The following CDCA3 variants were observed in gnomAD, a reference collection of about 807,000 sequenced individuals.
CDCA3 encodes the protein cell division cycle associated 3.
Under a neutral mutation model 29.1 loss-of-function variants are expected in CDCA3, and 16 were observed. The ratio of observed to expected loss-of-function variants is 0.55; its 90% confidence interval spans 0.37 to 0.83. The LOEUF (loss-of-function observed/expected upper bound fraction) is 0.83, where lower values mean the gene tolerates loss of function less well. CDCA3 is among the 40% of genes least tolerant of loss of function. CDCA3 has a pLI of 0.00. For missense variants in CDCA3, 291 were observed against 327.2 expected (o/e 0.89, Z 0.85); for synonymous variants, 88 against 124.5 (o/e 0.71, Z 1.95).
At chr12:6,845,895 G>A (rs782401589), downstream of CDCA3, 38 of 865,036 alleles carry the variant, frequency 4.4e-5, no homozygotes, top group African/African-American at 5.0e-4. Context: ...CTCCCATTTC[G>A]GACTCTCTTA....
Position 6,849,544 on chromosome 12 carries a change from A to C in CDCA3, c.544+21T>G, listed in dbSNP as rs782039538. 7 of 1,594,078 alleles carry C rather than the reference A, an allele frequency of 4.4e-6. No individual in the cohort carries two copies. Among genetic ancestry groups the C allele is most frequent in the Non-Finnish European group, 5.1e-6 (6 of 1,167,922 alleles). ...CATTATCCTAGTTTATCTTCCCTGC[A>C]TCTTGCCTTAGATTCTGTACCTGAA... On this transcript the variant is annotated intron_variant, in intron 4 of 5. Coordinates refer to ENST00000538862, the MANE Select transcript of CDCA3 (RefSeq NM_031299.7). The surrounding 1 kb of genome is among the most constrained non-coding windows in gnomAD (Gnocchi z 5.2).
rs1468130676 is a variant in CDCA3, at chr12:6,848,838, A to C, written c.*205T>G. On this transcript the variant is annotated 3_prime_UTR_variant, in exon 6 of 6. Transcript: ENST00000538862. ...TGCAAGGTTTACATATACCTTTTTA[A>C]AGTAACATTTAAAATTACTTCCTTT... The C allele has an allele frequency of 1.7e-6, 1 of 575,800 alleles. No homozygotes were observed. The highest frequency in any genetic ancestry group is 1.9e-5 in the African/African-American group (1 of 53,270). The allele number at this position is 575,800 out of a possible 1,614,324, so 35.7% of individuals were successfully genotyped here. A position where few individuals can be genotyped will look rare whatever the true frequency, so the allele number is the denominator to read the frequency against.
At chr12:6,848,671 C>A, downstream of CDCA3, 1 of 201,748 alleles carries the variant, frequency 5.0e-6, no homozygotes, top group Non-Finnish European at 9.9e-6. Flanking sequence ...GAAGTAAACA[C>A]CCAGGGAGAG....
At position 6,851,216 on chromosome 12, in the gene CDCA3, A is replaced by T; in HGVS notation, c.-58+6T>A. ...ACTTATTTATTAAATTATTCAAATC[A>T]CTTACCGGGCCCCAATTCCACCTCT... On this transcript the variant is annotated splice_donor_region_variant and intron_variant, in intron 1 of 5. Transcript: ENST00000538862. 8.0e-7 allele frequency: 1 copy of T among 1,257,432 alleles called. No individual in the cohort carries two copies. The highest frequency in any genetic ancestry group is 1.0e-6 in the Non-Finnish European group (1 of 998,428). 77.9% of individuals were successfully genotyped at this position (1,257,432 alleles called of 1,614,324 possible).
Position 6,849,963 on chromosome 12 carries a change from T to G in CDCA3, c.251-105A>C. On this transcript the variant is annotated intron_variant, in intron 3 of 5. Transcript: ENST00000538862. This position sits in a 1 kb window ranked among gnomAD's most constrained non-coding sequence, Gnocchi z 5.2. ...ACTCATGCCCAGGAGGGTGAGCAAG[T>G]GGGAAGAGAGAAATCAAGGAAATCA... is the stretch of plus-strand genomic sequence containing the variant. The G allele has an allele frequency of 9.5e-7, 1 of 1,057,468 alleles. No homozygotes were observed. The highest frequency in any genetic ancestry group is 1.3e-6 in the Non-Finnish European group (1 of 763,538). The allele number at this position is 1,057,468 out of a possible 1,614,324, so 65.5% of individuals were successfully genotyped here.
At chr12:6,847,089 C>T, downstream of CDCA3, 1 of 570,904 alleles carries the variant, frequency 1.8e-6, no homozygotes, top group Non-Finnish European at 3.2e-6. Context: ...CAAAGAACTG[C>T]CCCATCTCCT....
In CDCA3 at chr12:6,850,078, C is replaced by T; in HGVS notation, c.251-220G>A. On this transcript the variant is annotated intron_variant, in intron 3 of 5. Transcript: ENST00000538862. The surrounding 1 kb of genome is among the most constrained non-coding windows in gnomAD (Gnocchi z 4.7). The stretch of plus-strand genomic sequence containing the variant: ...GCAGTGGCGTGATCACAGTTCACTG[C>T]AGCCTTGACCTTGTGGGCTCAAGCA... 1 of 515,326 alleles carries T rather than the reference C, an allele frequency of 1.9e-6. No individual in the cohort carries two copies. The highest frequency in any genetic ancestry group is 3.4e-6 in the Non-Finnish European group (1 of 293,522). 31.9% of individuals were successfully genotyped at this position (515,326 alleles called of 1,614,324 possible).
chr12:6,850,389 T>G lies in CDCA3; in HGVS notation c.250+78A>C. On this transcript the variant is annotated intron_variant, in intron 3 of 5. Coordinates refer to ENST00000538862, the MANE Select transcript of CDCA3 (RefSeq NM_031299.7). The surrounding 1 kb of genome is among the most constrained non-coding windows in gnomAD (Gnocchi z 4.7). ...GGATAGAGGCCCCTTTAAGGAACCC[T>G]GAGAGAATGGCTTCATGGACCCTAC... 2.5e-6 allele frequency: 4 copies of G among 1,580,066 alleles called. No individual in the cohort carries two copies. Among genetic ancestry groups the G allele is most frequent in the Non-Finnish European group, 3.5e-6 (4 of 1,153,898 alleles).
At position 6,850,577 on chromosome 12, in the gene CDCA3, G is replaced by C; in HGVS notation, c.140C>G (p.Pro47Arg). The C allele has an allele frequency of 6.2e-7, 1 of 1,614,122 alleles. No individual in the cohort carries two copies. The highest frequency in any genetic ancestry group is 8.5e-7 in the Non-Finnish European group (1 of 1,180,008). ...TPIQVESSPQ[P>R]GLPAGEQLEG... ...CAGTTGCTCCCCTGCTGGTAGGCCT[G>C]GCTGTGGAGAGCTCTCCACCTGTCA... The change falls in exon 3 of 6, where the codon CCA becomes CGA. Residue 47 changes from proline (P) to arginine (R), a missense_variant. Coordinates refer to ENST00000538862, the MANE Select transcript of CDCA3 (RefSeq NM_031299.7). This position sits in a 1 kb window ranked among gnomAD's most constrained non-coding sequence, Gnocchi z 4.7.
At chr12:6,844,881 C>A (rs924581438), downstream of CDCA3, 11 of 152,214 alleles carry the variant, frequency 7.2e-5, no homozygotes, top group African/African-American at 2.4e-4. Context: ...CTTCCCGAAA[C>A]AAAGCCCTTC....
Position 6,849,498 on chromosome 12 carries a change from C to A in CDCA3, c.544+67G>T. 6.4e-7 allele frequency: 1 copy of A among 1,564,012 alleles called. No homozygotes were observed. On this transcript the variant is annotated intron_variant, in intron 4 of 5. Transcript: ENST00000538862. This position sits in a 1 kb window ranked among gnomAD's most constrained non-coding sequence, Gnocchi z 5.2. ...TTACAGTTTATTCCTCCCACACTCACCCATGGACCTTATCCCAAAACATTA... is the reference window on the plus strand; with the variant it reads ...TTACAGTTTATTCCTCCCACACTCAACCATGGACCTTATCCCAAAACATTA...
chr12:6,846,542 C>T (rs528792602), downstream of CDCA3: 540 of 387,388 alleles, frequency 1.4e-3, 1 homozygote, highest in Middle Eastern at 0.012. Flanking sequence ...AATCCTCTTT[C>T]AGTCTCTTAG....
chr12:6,849,907 C>T lies in CDCA3; in HGVS notation c.251-49G>A, dbSNP rs1943798141. On this transcript the variant is annotated intron_variant, in intron 3 of 5. Coordinates refer to ENST00000538862, the MANE Select transcript of CDCA3 (RefSeq NM_031299.7). This position sits in a 1 kb window ranked among gnomAD's most constrained non-coding sequence, Gnocchi z 5.2. ...CAGTGACCTTCTGATACACAACATT[C>T]AGCAAGGAGCAAAACATACAGAAAC... The T allele has an allele frequency of 1.4e-6, 2 of 1,444,350 alleles. No individual in the cohort carries two copies. The highest frequency in any genetic ancestry group is 1.8e-6 in the Non-Finnish European group (2 of 1,084,282). The allele number at this position is 1,444,350 out of a possible 1,614,324, so 89.5% of individuals were successfully genotyped here. A position where few individuals can be genotyped will look rare whatever the true frequency, so the allele number is the denominator to read the frequency against.
In CDCA3 at chr12:6,850,323, A is replaced by C; in HGVS notation, c.250+144T>G. ...ATGAGCCACCGCACCCAGGCTGGGA[A>C]CAAAATATTGAGATAAGAGTGAGAT... On this transcript the variant is annotated intron_variant, in intron 3 of 5. Transcript: ENST00000538862. This position sits in a 1 kb window ranked among gnomAD's most constrained non-coding sequence, Gnocchi z 4.7. 1.8e-6 allele frequency: 2 copies of C among 1,129,350 alleles called. No homozygotes were observed. The highest frequency in any genetic ancestry group is 2.5e-6 in the Non-Finnish European group (2 of 786,304). 70.0% of individuals were successfully genotyped at this position (1,129,350 alleles called of 1,614,324 possible). A position where few individuals can be genotyped will look rare whatever the true frequency, so the allele number is the denominator to read the frequency against.
chr12:6,845,597 T>C, downstream of CDCA3: 1 of 1,610,404 alleles, frequency 6.2e-7, no homozygotes, highest in Admixed American at 1.7e-5. Flanking sequence ...TCTTCCCCAA[T>C]GGAGAGGCCA....
chr12:6,849,148 T>C lies in CDCA3; in HGVS notation c.702A>G (p.Gly234=), dbSNP rs782469981. 1 of 1,613,084 alleles carries C rather than the reference T, an allele frequency of 6.2e-7. No homozygotes were observed. The highest frequency in any genetic ancestry group is 8.5e-7 in the Non-Finnish European group (1 of 1,179,004). Residue 234 remains glycine, a synonymous_variant, in exon 6 of 6, where the codon GGA becomes GGG. Transcript: ENST00000538862. The surrounding 1 kb of genome is among the most constrained non-coding windows in gnomAD (Gnocchi z 5.2). ...GAAGTCGTCCAGTTCCAAGAATGGC[T>C]CCTTCCTTTAGTTCACTAACATTTT... The part of the protein sequence containing the change: ...LSENVSELKE[G]AILGTGRLLK...
In CDCA3 at chr12:6,851,002, G is replaced by C. The variant is rs782771280; in HGVS notation, c.-50C>G. ...GGCAAGGGCCAGCCCGGGACGAGGA[G>C]GGAATGCCTGTGAGAAGTGACTCAG... On this transcript the variant is annotated 5_prime_UTR_variant, in exon 2 of 6. Transcript: ENST00000538862. 5 of 1,576,922 alleles carry C rather than the reference G, an allele frequency of 3.2e-6. No homozygotes were observed. The East Asian group carries it at 1.1e-4, about 36-fold the overall frequency.
At position 6,849,789 on chromosome 12, in the gene CDCA3, G is replaced by A. The variant is rs190568415; in HGVS notation, c.320C>T (p.Pro107Leu). 1.1e-4 allele frequency: 169 copies of A among 1,594,444 alleles called. No homozygotes were observed. The East Asian group carries it at 3.4e-3, about 32-fold the overall frequency. ...FETEDSKSNL[P>L]PEPVLPPEAP... is the part of the protein sequence containing the mutation. ...CTCTGGGGGCAGAACAGGCTCTGGG[G>A]GAAGATTTGATTTAGAGTCTTCAGT... The change falls in exon 4 of 6, where the codon CCC (proline) becomes CTC (leucine). Residue 107 changes from proline to leucine, a missense_variant. Physicochemically the swap from Pro to Leu is moderately conservative, Grantham distance 98 (BLOSUM62 -3). Transcript: ENST00000538862. This position sits in a 1 kb window ranked among gnomAD's most constrained non-coding sequence, Gnocchi z 5.2.
downstream of CDCA3, chr12:6,845,738 A>G (rs782316014): frequency 1.6e-4 from 265 of 1,614,066 alleles, 4 homozygotes; most frequent in South Asian, 2.8e-3. Context: ...GTGGCCGCCT[A>G]CTATTCGCTG....
Sources: allele counts gnomAD v4.1 joint callset, GRCh38; gene constraint gnomAD v4.1.1; non-coding constraint Gnocchi (gnomAD v3.1); transcripts MANE v1.5; gene names NCBI Gene and HGNC (gene_info 2026-07-23, HGNC 2026-07-21).